The following CEP112 variants were observed in gnomAD, a reference collection of about 807,000 sequenced individuals.
CEP112 encodes the protein centrosomal protein of 112 kDa.
CEP112 carries 127 observed loss-of-function variants against 153.0 expected under a neutral mutation model. The ratio of observed to expected loss-of-function variants is 0.83; its 90% CI spans 0.72 to 0.96. The LOEUF (loss-of-function observed/expected upper bound fraction) is 0.96. Among genes scored for constraint, CEP112 ranks in the 40% least tolerant of loss-of-function variants. The pLI, the probability that CEP112 is intolerant of heterozygous loss-of-function variation, is 0.00. For missense variants in CEP112, 1,089 were observed against 1,101.2 expected (o/e 0.99, Z 0.16); for synonymous variants, 358 against 374.4 (o/e 0.96, Z 0.51).
At chr17:65,906,969 G>A (rs1398747133) in intron 19 of CEP112, among the ~76,000 whole-genome samples, 1 of 152,166 alleles carries the variant, frequency 6.6e-6, no homozygotes, top group Non-Finnish European at 1.5e-5. Context: ...GGAAATGGGA[G>A]GTAGAAAGTT....
At chr17:66,092,752 C>T (rs2068191495) in intron 8 of CEP112, among the ~76,000 whole-genome samples, 1 of 151,994 alleles carries the variant, frequency 6.6e-6, no homozygotes, top group East Asian at 1.9e-4. Flanking sequence ...CACCAATTAA[C>T]AGAATGAAGG....
intron 9 of CEP112, among the ~76,000 whole-genome samples, chr17:66,068,535 C>T (rs968153769): frequency 2.0e-5 from 3 of 152,148 alleles, no homozygotes; most frequent in Admixed American, 1.3e-4. Flanking sequence ...TACGCCTTGC[C>T]AATTCCTGAT....
chr17:65,812,103 A>G (rs993446494), intron 21 of CEP112, among the ~76,000 whole-genome samples: 8 of 152,032 alleles, frequency 5.3e-5, no homozygotes, highest in African/African-American at 1.9e-4. Flanking sequence ...TCCCGGGTTC[A>G]TGCCATTCTC....
rs150039088 is a variant in CEP112 at position 65,689,151 on chromosome 17, T to C, written c.2675A>G (p.Lys892Arg). The C allele has an allele frequency of 1.6e-5, 26 of 1,612,554 alleles. No homozygotes were observed. In the South Asian group the frequency reaches 2.6e-4, roughly 16 times the overall value. The change falls in exon 24 of 27, where the codon AAA (lysine) becomes AGA (arginine). Residue 892 changes from lysine to arginine, a missense_variant. Coordinates refer to ENST00000535342, the MANE Select transcript of CEP112 (RefSeq NM_001199165.4). Reference protein sequence around the residue: ...VRCAEKKLQHKELESQEQITY... With the variant: ...VRCAEKKLQHRELESQEQITY... ...TACCTGTTCCTGTGACTCCAATTCTTTGTGTTGTAATTTTTTCTCTGCACA... is the reference window on the plus strand; with the variant it reads ...TACCTGTTCCTGTGACTCCAATTCTCTGTGTTGTAATTTTTTCTCTGCACA...
chr17:65,911,346 T>C (rs992959740), intron 19 of CEP112, among the ~76,000 whole-genome samples: 3 of 152,148 alleles, frequency 2.0e-5, no homozygotes, highest in East Asian at 1.9e-4. Context: ...GTTGACAAAA[T>C]AGACTGGTAT....
chr17:66,032,646 G>A lies in CEP112; in HGVS notation c.1219-2623C>T, dbSNP rs528395309. Among the ~76,000 whole-genome samples the A allele has an allele frequency of 8.0e-4, 122 of 152,300 alleles. 1 individual carries two copies. Among genetic ancestry groups the A allele is most frequent in the Middle Eastern group, 6.8e-3 (2 of 294 alleles). ...TGAGAGAAGAGCCTCTCTGGAAGAA[G>A]ATAACATCATCCACAGCCTTTATTA... On this transcript the variant is annotated intron_variant, in intron 12 of 26. Transcript: ENST00000535342.
chr17:66,004,348 G>A (rs2064183634), intron 17 of CEP112, among the ~76,000 whole-genome samples: 1 of 152,058 alleles, frequency 6.6e-6, no homozygotes, highest in Admixed American at 6.6e-5. Flanking sequence ...AAGATTAGCT[G>A]GGCGTGGTGG....
At position 65,751,950 on chromosome 17, in the gene CEP112, CCTT is replaced by C. The variant is rs2051880437; in HGVS notation, c.2395-1229_2395-1227del. 3.2e-5 allele frequency among the ~76,000 whole-genome samples: 4 copies of C among 123,210 alleles called. No homozygotes were observed. In the South Asian group the frequency reaches 9.0e-4, roughly 28 times the overall value. 80.8% of individuals were successfully genotyped at this position (123,210 alleles called of 152,430 possible). A position where few individuals can be genotyped will look rare whatever the true frequency, so the allele number is the denominator to read the frequency against. ...ACTGCGTCATGCCTTGCAATACAGT[CCTT>C]CTATCTATCTATCTATCTATCTATC... On this transcript the variant is annotated intron_variant, in intron 21 of 26. Transcript: ENST00000535342.
intron 18 of CEP112, among the ~76,000 whole-genome samples, chr17:65,951,750 C>A (rs374373866): frequency 7.7e-5 from 5 of 64,970 alleles, no homozygotes; most frequent in African/African-American, 1.7e-4. Context: ...CCCGCCCCCC[C>A]CTTTCTTCCA....
At chr17:65,894,691 T>C (rs1363533556) in intron 20 of CEP112, among the ~76,000 whole-genome samples, 1 of 152,124 alleles carries the variant, frequency 6.6e-6, no homozygotes, top group Non-Finnish European at 1.5e-5. Flanking sequence ...TCAAGACTGG[T>C]AGGCCTCATT....
chr17:65,659,015 C>CAAAA (rs777326885), intron 24 of CEP112, among the ~76,000 whole-genome samples: 18,671 of 55,460 alleles, frequency 0.34, 4,402 homozygotes, highest in Non-Finnish European at 0.42. Flanking sequence ...GACTCTGTCT[C>CAAAA]AAAAAAAAAA....
chr17:65,938,390 G>T (rs12946870), intron 18 of CEP112, among the ~76,000 whole-genome samples: 7 of 130,892 alleles, frequency 5.3e-5, no homozygotes, highest in Admixed American at 1.6e-4. Context: ...TCCCCCTCTG[G>T]GAGAAACACC....
intron 20 of CEP112, among the ~76,000 whole-genome samples, chr17:65,880,330 G>C (rs2059014720): frequency 6.6e-6 from 1 of 151,980 alleles, no homozygotes; most frequent in African/African-American, 2.4e-5. Context: ...TAAAATATGA[G>C]ATAAAGTCAT....
intron 12 of CEP112, among the ~76,000 whole-genome samples, chr17:66,051,451 A>G (rs951829383): frequency 4.6e-5 from 7 of 151,122 alleles, no homozygotes; most frequent in African/African-American, 1.5e-4. Context: ...AACTTACATT[A>G]TATTGTACTA....
At chr17:65,989,792 T>TA (rs2063531914) in intron 17 of CEP112, among the ~76,000 whole-genome samples, 1 of 152,106 alleles carries the variant, frequency 6.6e-6, no homozygotes, top group Non-Finnish European at 1.5e-5. Flanking sequence ...GACAAACCTA[T>TA]AAAAAACAAT....
chr17:66,115,238 G>C (rs2146406863), intron 6 of CEP112, among the ~76,000 whole-genome samples: 1 of 152,244 alleles, frequency 6.6e-6, no homozygotes, highest in Admixed American at 6.5e-5. Context: ...CTAGGTATTG[G>C]AGAACAGGCA....
At chr17:65,793,979 A>G (rs2054752294) in intron 21 of CEP112, among the ~76,000 whole-genome samples, 1 of 152,198 alleles carries the variant, frequency 6.6e-6, no homozygotes, top group Non-Finnish European at 1.5e-5. Flanking sequence ...AACAAAAAGA[A>G]TGATAGTTTT....
intron 19 of CEP112, chr17:65,913,585 T>C: frequency 1.0e-6 from 1 of 985,366 alleles, no homozygotes; most frequent in Non-Finnish European, 1.2e-6. Context: ...ATCCATGAAA[T>C]CTGTCAATCA....
chr17:65,747,287 C>T (rs1251083323), intron 22 of CEP112, among the ~76,000 whole-genome samples: 1 of 148,052 alleles, frequency 6.8e-6, no homozygotes, highest in Non-Finnish European at 1.5e-5. Flanking sequence ...TCTGGGTTGG[C>T]CCCCAGGAGG....
Sources: gnomAD v4.1 joint callset for allele counts (sites outside exome capture counted in the v4.1 genomes callset) on GRCh38, gnomAD v4.1.1 for gene constraint, MANE v1.5 for transcripts, NCBI Gene and HGNC (gene_info 2026-07-23, HGNC 2026-07-21) for gene names.